NRG1: variants seen among roughly 807,000 people sequenced by gnomAD.
NRG1 encodes neuregulin 1.
In NRG1, 18 loss-of-function variants were observed where a neutral mutation model predicts 63.8. The ratio of observed to expected loss-of-function variants is 0.28; its 90% confidence interval spans 0.19 to 0.42. The LOEUF is 0.42. NRG1 is among the 10% of genes least tolerant of loss of function. The pLI, the probability that NRG1 is intolerant of heterozygous loss-of-function variation, is 1.00. For missense variants in NRG1, 762 were observed against 814.7 expected (o/e 0.94, Z 0.79); for synonymous variants, 302 against 301.3 (o/e 1.00, Z -0.02).
intron 1 of NRG1, among the ~76,000 whole-genome samples, chr8:32,145,849 G>A (rs774210946): frequency 6.6e-6 from 1 of 152,170 alleles, no homozygotes; most frequent in Non-Finnish European, 1.5e-5. Flanking sequence ...GCAGGCTTTG[G>A]AAAGTGGGAG....
At chr8:32,738,575 A>G (rs1825670649) in intron 6 of NRG1, among the ~76,000 whole-genome samples, 1 of 152,160 alleles carries the variant, frequency 6.6e-6, no homozygotes, top group African/African-American at 2.4e-5. Flanking sequence ...GGTTTGATTT[A>G]CTGTTATTCT....
chr8:31,887,699 G>A (rs1442363424), intron 1 of NRG1, among the ~76,000 whole-genome samples: 1 of 152,016 alleles, frequency 6.6e-6, no homozygotes, highest in East Asian at 1.9e-4. Context: ...TTTATCTGAG[G>A]AAAGATGGCT....
At chr8:31,945,507 A>G (rs1226513819) in intron 1 of NRG1, among the ~76,000 whole-genome samples, 1 of 152,150 alleles carries the variant, frequency 6.6e-6, no homozygotes, top group Non-Finnish European at 1.5e-5. Flanking sequence ...GCCACTTGAG[A>G]ATTGAGTAGA....
At chr8:32,477,599 T>C (rs2129492197) in intron 1 of NRG1, among the ~76,000 whole-genome samples, 1 of 152,322 alleles carries the variant, frequency 6.6e-6, no homozygotes, top group East Asian at 1.9e-4. Context: ...AAAAATACCT[T>C]TGGCATAGTT....
intron 1 of NRG1, among the ~76,000 whole-genome samples, chr8:32,437,167 C>T (rs1587649420): frequency 6.6e-6 from 1 of 152,052 alleles, no homozygotes; most frequent in East Asian, 1.9e-4. Flanking sequence ...TTGTTTTTAA[C>T]CTTGCTAACA....
chr8:32,088,773 G>A (rs1004866052), intron 1 of NRG1, among the ~76,000 whole-genome samples: 3 of 151,840 alleles, frequency 2.0e-5, no homozygotes, highest in South Asian at 2.1e-4. Flanking sequence ...CTGCCTCGGC[G>A]TCCAAAAGTG....
chr8:32,527,725 C>T (rs992956691), intron 1 of NRG1, among the ~76,000 whole-genome samples: 1 of 152,160 alleles, frequency 6.6e-6, no homozygotes, highest in African/African-American at 2.4e-5. Flanking sequence ...CCTCATCCTT[C>T]CCTGACCTTT....
At chr8:32,311,542 G>C (rs1462583469) in intron 1 of NRG1, among the ~76,000 whole-genome samples, 1 of 152,174 alleles carries the variant, frequency 6.6e-6, no homozygotes, top group East Asian at 1.9e-4. Flanking sequence ...CATGTGACTA[G>C]TGAACAGCAT....
At chr8:32,511,188 C>T (rs1485536320) in intron 1 of NRG1, among the ~76,000 whole-genome samples, 6 of 150,576 alleles carry the variant, frequency 4.0e-5, no homozygotes, top group African/African-American at 1.5e-4. Flanking sequence ...CATGGAGCAA[C>T]CAGACATACA....
chr8:32,049,584 G>T (rs1019535142), intron 1 of NRG1, among the ~76,000 whole-genome samples: 4 of 152,110 alleles, frequency 2.6e-5, no homozygotes, highest in African/African-American at 9.7e-5. Flanking sequence ...TGCATGAAAT[G>T]ATATCTAACA....
intron 1 of NRG1, among the ~76,000 whole-genome samples, chr8:32,123,042 G>A (rs990679838): frequency 6.6e-6 from 1 of 151,940 alleles, no homozygotes; most frequent in African/African-American, 2.4e-5. Flanking sequence ...TAGAAAATCA[G>A]CTAGAGACCA....
intron 1 of NRG1, among the ~76,000 whole-genome samples, chr8:32,542,098 C>A (rs2129521123): frequency 6.6e-6 from 1 of 152,236 alleles, no homozygotes; most frequent in Non-Finnish European, 1.5e-5. Flanking sequence ...TTATAGGCTC[C>A]TCTGACACCT....
intron 1 of NRG1, among the ~76,000 whole-genome samples, chr8:31,912,738 C>T (rs1833054085): frequency 1.3e-5 from 2 of 151,996 alleles, no homozygotes; most frequent in African/African-American, 4.8e-5. Context: ...CCTTAATTCC[C>T]CCTCCAGAGG....
At chr8:32,674,937 TC>T (rs1227528046) in intron 5 of NRG1, among the ~76,000 whole-genome samples, 1 of 152,126 alleles carries the variant, frequency 6.6e-6, no homozygotes, top group Non-Finnish European at 1.5e-5. Context: ...TACTTCTCAA[TC>T]ATATCCATGG....
At chr8:31,639,507 T>G in intron 1 of NRG1, 1 of 1,519,136 alleles carries the variant, frequency 6.6e-7, no homozygotes, top group Non-Finnish European at 8.8e-7. Context: ...CAACTCCGCC[T>G]CCAGGGCTCT....
intron 1 of NRG1, among the ~76,000 whole-genome samples, chr8:32,144,560 A>AT (rs1353899722): frequency 2.0e-5 from 3 of 152,164 alleles, no homozygotes; most frequent in Non-Finnish European, 4.4e-5. Flanking sequence ...TCACCAGGTA[A>AT]TTCACCTATC....
intron 1 of NRG1, among the ~76,000 whole-genome samples, chr8:31,931,745 G>T (rs1412469181): frequency 6.6e-6 from 1 of 152,194 alleles, no homozygotes; most frequent in Non-Finnish European, 1.5e-5. Context: ...CAGAGGACAT[G>T]TGGGCTCTCT....
At chr8:32,443,435 G>A (rs999138868) in intron 1 of NRG1, among the ~76,000 whole-genome samples, 6 of 151,576 alleles carry the variant, frequency 4.0e-5, no homozygotes, top group Admixed American at 2.6e-4. Context: ...ACTGAAATAA[G>A]CGGATTTTGA....
Position 32,209,768 on chromosome 8 carries a change from TCCTTCCTTCTTA to T in NRG1, c.38-386058_38-386047del, listed in dbSNP as rs1402448475. 1.8e-3 allele frequency among the ~76,000 whole-genome samples: 252 copies of T among 140,742 alleles called. 1 individual carries two copies. The highest frequency in any genetic ancestry group is 6.3e-3 in the African/African-American group (240 of 38,142). The allele number at this position is 140,742 out of a possible 152,430, so 92.3% of individuals were successfully genotyped here. A position where few individuals can be genotyped will look rare whatever the true frequency, so the allele number is the denominator to read the frequency against. On this transcript the variant is annotated intron_variant, in intron 1 of 10. Coordinates refer to the NRG1 transcript ENST00000519301. The stretch of plus-strand genomic sequence containing the variant: ...TTCCTTCCTTCCTTCCTTCCTTCCT[TCCTTCCTTCTTA>T]CTTTCTTTCTCTGATGGTAAGTTAC...
Sources: gnomAD v4.1 joint callset for allele counts (sites outside exome capture counted in the v4.1 genomes callset) on GRCh38, gnomAD v4.1.1 for gene constraint, MANE v1.5 for transcripts, NCBI Gene and HGNC (gene_info 2026-07-23, HGNC 2026-07-21) for gene names.